RALGPS2: variants seen among roughly 807,000 people sequenced by gnomAD.
RALGPS2 encodes ras-specific guanine nucleotide-releasing factor RalGPS2.
Under a neutral mutation model 86.8 loss-of-function variants are expected in RALGPS2, and 43 were observed. The ratio of observed to expected loss-of-function variants is 0.50; its 90% CI spans 0.39 to 0.64. RALGPS2 has a LOEUF of 0.64. Ranked by LOEUF, RALGPS2 falls within the 30% of genes least tolerant of loss-of-function variation. The pLI is 0.00. For missense variants in RALGPS2, 536 were observed against 694.6 expected, an observed-to-expected ratio of 0.77 and a Z score of 2.57; for synonymous variants, 243 against 231.3, an observed-to-expected ratio of 1.05 and a Z score of -0.46.
intron 4 of RALGPS2, among the ~76,000 whole-genome samples, chr1:178,798,362 A>G (rs1219711310): frequency 1.3e-5 from 2 of 152,222 alleles, no homozygotes; most frequent in Non-Finnish European, 2.9e-5. Flanking sequence ...AGTTATCTCC[A>G]CATGAGCAGT....
At chr1:178,880,461 C>G (rs1659198094) in intron 10 of RALGPS2, among the ~76,000 whole-genome samples, 1 of 152,176 alleles carries the variant, frequency 6.6e-6, no homozygotes, top group African/African-American at 2.4e-5. Context: ...TGGTTACTTA[C>G]TTGAAAATGT....
chr1:178,850,066 T>C (rs977614133), intron 8 of RALGPS2: 10 of 152,642 alleles, frequency 6.6e-5, no homozygotes, highest in African/African-American at 2.2e-4. Context: ...CACTGTAAAA[T>C]GAAATTAGCA....
chr1:178,877,374 G>A lies in RALGPS2; in HGVS notation c.608-124G>A, dbSNP rs74731540. On this transcript the variant is annotated intron_variant, in intron 8 of 19. Transcript: ENST00000367635. ...TTACCCAGGCTTCAGTGTATTAATA[G>A]CAATATATTTTAAATGTAGCGTACA... The A allele has an allele frequency of 6.0e-3, 8,308 of 1,382,698 alleles. 384 individuals carry two copies. The African/African-American group carries it at 0.1, about 17-fold the overall frequency. The allele number at this position is 1,382,698 out of a possible 1,614,324, so 85.7% of individuals were successfully genotyped here.
chr1:178,878,310 G>C (rs1253316937), intron 9 of RALGPS2, among the ~76,000 whole-genome samples: 2 of 152,048 alleles, frequency 1.3e-5, no homozygotes, highest in Non-Finnish European at 2.9e-5. Flanking sequence ...AAAAAACTGA[G>C]TTTTACATTA....
chr1:178,742,755 T>C (rs530930686), intron 1 of RALGPS2, among the ~76,000 whole-genome samples: 1 of 152,346 alleles, frequency 6.6e-6, no homozygotes, highest in Admixed American at 6.5e-5. Context: ...CTTCAAAATA[T>C]GTTATCTGAT....
Position 178,906,872 on chromosome 1 carries a change from G to A in RALGPS2, c.1722+5G>A. 1.9e-6 allele frequency: 3 copies of A among 1,611,618 alleles called. No individual in the cohort carries two copies. The highest frequency in any genetic ancestry group is 2.5e-6 in the Non-Finnish European group (3 of 1,178,180). On this transcript the variant is annotated splice_donor_5th_base_variant and intron_variant, in intron 19 of 19. Coordinates refer to ENST00000367635, the MANE Select transcript of RALGPS2 (RefSeq NM_152663.5). The stretch of plus-strand genomic sequence containing the variant: ...TGCCAAAGTAACAAACAACAGGTAA[G>A]CATTTCTCCTAATTCTCAGAATAGT...
chr1:178,872,563 C>G (rs1352684933), intron 8 of RALGPS2, among the ~76,000 whole-genome samples: 1 of 152,178 alleles, frequency 6.6e-6, no homozygotes, highest in Non-Finnish European at 1.5e-5. Flanking sequence ...TAGATTTTTC[C>G]TGTAATACTT....
Position 178,875,703 on chromosome 1 carries a change from G to A in RALGPS2, c.608-1795G>A, listed in dbSNP as rs148344065. On this transcript the variant is annotated intron_variant, in intron 8 of 19. Coordinates refer to ENST00000367635, the MANE Select transcript of RALGPS2 (RefSeq NM_152663.5). ...GCAGAGGTGGCAGTGAGCCGAGATC[G>A]CACCACTGCATTCCAGCCTGTGACA... 6.1e-3 allele frequency among the ~76,000 whole-genome samples: 922 copies of A among 151,760 alleles called. 9 individuals carry two copies. The highest frequency in any genetic ancestry group is 0.021 in the African/African-American group (878 of 41,382).
chr1:178,813,117 G>A (rs190432259), intron 6 of RALGPS2, among the ~76,000 whole-genome samples: 15 of 151,960 alleles, frequency 9.9e-5, no homozygotes, highest in Non-Finnish European at 1.9e-4. Flanking sequence ...ATTTTTAGTA[G>A]AGATGGGGTT....
At chr1:178,770,827 ATGT>A (rs1358741548) in intron 1 of RALGPS2, among the ~76,000 whole-genome samples, 5 of 138,676 alleles carry the variant, frequency 3.6e-5, no homozygotes, top group Non-Finnish European at 6.2e-5. Flanking sequence ...AAGTTTTTTT[ATGT>A]TGTTGTTGTT....
intron 8 of RALGPS2, among the ~76,000 whole-genome samples, chr1:178,842,711 A>G (rs1656650900): frequency 6.7e-6 from 1 of 148,708 alleles, no homozygotes; most frequent in Non-Finnish European, 1.5e-5. Flanking sequence ...CAGAGTGAAC[A>G]GGCAACCTAC....
chr1:178,896,185 A>T (rs1440284939), intron 16 of RALGPS2, among the ~76,000 whole-genome samples: 1 of 152,078 alleles, frequency 6.6e-6, no homozygotes. Flanking sequence ...AATTACAATC[A>T]TCAGTGACCT....
In RALGPS2 at chr1:178,785,572, A is replaced by G; in HGVS notation, c.178A>G (p.Met60Val). Residue 60 changes from methionine (M) to valine (V), a missense_variant, in exon 4 of 20, where the codon ATG becomes GTG. This residue lies in a region of RALGPS2 where 184 missense variants were observed against 296.7 expected (regional missense o/e 0.62). Transcript: ENST00000367635. Reference sequence around the variant, plus strand: ...TATATTTCAGGGTCAGATAACATTAATGGATGTTCCAGTATTTAAAGCTAT... The same window carrying G: ...TATATTTCAGGGTCAGATAACATTAGTGGATGTTCCAGTATTTAAAGCTAT... ...PEEYAGQITL[M>V]DVPVFKAIQP... 1 of 1,587,406 alleles carries G rather than the reference A, an allele frequency of 6.3e-7. No homozygotes were observed. The highest frequency in any genetic ancestry group is 8.6e-7 in the Non-Finnish European group (1 of 1,167,828).
chr1:178,749,185 A>T (rs1008125293), intron 1 of RALGPS2, among the ~76,000 whole-genome samples: 8 of 151,644 alleles, frequency 5.3e-5, no homozygotes, highest in Non-Finnish European at 8.8e-5. Flanking sequence ...TGTTTTTAAA[A>T]TTTTTTTTTA....
chr1:178,797,756 A>G (rs1158770072), intron 4 of RALGPS2, among the ~76,000 whole-genome samples: 2 of 152,058 alleles, frequency 1.3e-5, no homozygotes, highest in African/African-American at 2.4e-5. Flanking sequence ...TTATCTAACC[A>G]CTACCTCAGT....
intron 1 of RALGPS2, chr1:178,726,420 A>G (rs1375571050): frequency 6.6e-6 from 1 of 151,880 alleles, no homozygotes; most frequent in African/African-American, 2.4e-5. Flanking sequence ...AGAAGCTGCG[A>G]GCTGATAGGA....
At chr1:178,738,203 C>CTTTTTTTTTT (rs1051296802) in intron 1 of RALGPS2, among the ~76,000 whole-genome samples, 4 of 110,726 alleles carry the variant, frequency 3.6e-5, no homozygotes, top group East Asian at 2.8e-4. Flanking sequence ...AGATGGATAT[C>CTTTTTTTTTT]TTTTTTTTTT....
chr1:178,776,407 T>G (rs567159989), intron 1 of RALGPS2, among the ~76,000 whole-genome samples: 2 of 152,338 alleles, frequency 1.3e-5, no homozygotes, highest in African/African-American at 4.8e-5. Flanking sequence ...ATTTGATTTT[T>G]TTCCCTCGCA....
chr1:178,877,581 T>C lies in RALGPS2; in HGVS notation c.691T>C (p.Leu231=). ...TCTAGAAAATGAGCAAAGATCAAAT[T>C]TAATGAATAATATCCTTCGAATAAT... is the stretch of plus-strand genomic sequence containing the variant. ...SILENEQRSN[L]MNNILRIISD... The change falls in exon 9 of 20, where the codon TTA becomes CTA. Residue 231 remains leucine, a synonymous_variant. Coordinates refer to ENST00000367635, the MANE Select transcript of RALGPS2 (RefSeq NM_152663.5). The C allele has an allele frequency of 6.2e-7, 1 of 1,613,552 alleles. No homozygotes were observed. Among genetic ancestry groups the C allele is most frequent in the South Asian group, 1.1e-5 (1 of 91,064 alleles).
Sources: allele counts gnomAD v4.1 joint callset (sites outside exome capture counted in the v4.1 genomes callset), GRCh38; gene constraint gnomAD v4.1.1; regional missense constraint gnomAD v4.1.1; transcripts MANE v1.5; gene names NCBI Gene and HGNC (gene_info 2026-07-23, HGNC 2026-07-21).